Variants in TMEM94 observed in about 807,000 individuals in gnomAD.
TMEM94 encodes transmembrane protein 94.
Under a neutral mutation model 158.6 loss-of-function variants are expected in TMEM94, and 81 were observed. The ratio of observed to expected loss-of-function variants is 0.51; its 90% confidence interval spans 0.43 to 0.61. The LOEUF (loss-of-function observed/expected upper bound fraction) is 0.61, where lower values mean the gene tolerates loss of function less well. Among genes scored for constraint, TMEM94 ranks in the 20% least tolerant of loss-of-function variants. The probability of loss-of-function intolerance (pLI) is 0.00; values close to 1 mark genes in which losing one functional copy is unlikely to be tolerated. For missense variants in TMEM94, 1,435 were observed against 1,762.0 expected, an observed-to-expected ratio of 0.81 and a Z score of 3.32; for synonymous variants, 751 against 730.7, an observed-to-expected ratio of 1.03 and a Z score of -0.45.
Position 75,489,143 on chromosome 17 carries a change from G to C in TMEM94, c.765-123G>C, listed in dbSNP as rs1303518631. ...ACACGGGCTAGGGCCAGGGCAGAGC[G>C]TGGAACTGCAGGACTCACGGTGCTT... On this transcript the variant is annotated intron_variant, in intron 7 of 31. Coordinates refer to ENST00000314256, the MANE Select transcript of TMEM94 (RefSeq NM_014738.6). The surrounding 1 kb of genome is among the most constrained non-coding windows in gnomAD (Gnocchi z 5.0). 9.9e-7 allele frequency: 1 copy of C among 1,010,090 alleles called. No homozygotes were observed. The highest frequency in any genetic ancestry group is 1.5e-6 in the Non-Finnish European group (1 of 666,084). The allele number at this position is 1,010,090 out of a possible 1,614,324, so 62.6% of individuals were successfully genotyped here. A position where few individuals can be genotyped will look rare whatever the true frequency, so the allele number is the denominator to read the frequency against.
chr17:75,476,392 C>T lies in TMEM94; in HGVS notation c.24+4463C>T, dbSNP rs369438322. Reference sequence around the variant, plus strand: ...GACAAACTTTCTCTTCTCAATGCTCCTGTTTCCTCCCTCCTTCTCTTTCCT... The same window carrying T: ...GACAAACTTTCTCTTCTCAATGCTCTTGTTTCCTCCCTCCTTCTCTTTCCT... On this transcript the variant is annotated intron_variant, in intron 2 of 31. Coordinates refer to ENST00000314256, the MANE Select transcript of TMEM94 (RefSeq NM_014738.6). 131 of 732,592 alleles carry T rather than the reference C, an allele frequency of 1.8e-4. No individual in the cohort carries two copies. The African/African-American group carries it at 2.2e-3, about 12-fold the overall frequency. The allele number at this position is 732,592 out of a possible 1,614,324, so 45.4% of individuals were successfully genotyped here. A position where few individuals can be genotyped will look rare whatever the true frequency, so the allele number is the denominator to read the frequency against.
intron 11 of TMEM94, 75 bp downstream of exon 11, chr17:75,490,833 C>T: frequency 7.3e-7 from 1 of 1,378,332 alleles, no homozygotes; most frequent in East Asian, 2.3e-5. Context: ...TATTTATGGC[C>T]TTAAAGCCTC....
chr17:75,489,683 T>C lies in TMEM94; in HGVS notation c.954+21T>C. ...TCCAGGCAAGGACCACCCTGTCCTC[T>C]CTGTCATGCTTCCCTCCGACCCGCA... On this transcript the variant is annotated intron_variant, in intron 9 of 31. Coordinates refer to ENST00000314256, the MANE Select transcript of TMEM94 (RefSeq NM_014738.6). The surrounding 1 kb of genome is among the most constrained non-coding windows in gnomAD (Gnocchi z 5.0). 6.3e-7 allele frequency: 1 copy of C among 1,596,512 alleles called. No individual in the cohort carries two copies. Among genetic ancestry groups the C allele is most frequent in the East Asian group, 2.2e-5 (1 of 44,812 alleles).
Position 75,495,159 on chromosome 17 carries a change from G to C in TMEM94, c.2728+125G>C, listed in dbSNP as rs1162862418. The C allele has an allele frequency of 1.4e-6, 2 of 1,440,960 alleles. No homozygotes were observed. Among genetic ancestry groups the C allele is most frequent in the Non-Finnish European group, 1.9e-6 (2 of 1,061,952 alleles). The allele number at this position is 1,440,960 out of a possible 1,614,324, so 89.3% of individuals were successfully genotyped here. On this transcript the variant is annotated intron_variant, in intron 20 of 31. Coordinates refer to ENST00000314256, the MANE Select transcript of TMEM94 (RefSeq NM_014738.6). This position sits in a 1 kb window ranked among gnomAD's most constrained non-coding sequence, Gnocchi z 5.6. ...GTACATTCCCTTGGGAAATGGCTCTGATGTCCCTGCGGGAAACAGTAGTCA... is the reference window on the plus strand; with the variant it reads ...GTACATTCCCTTGGGAAATGGCTCTCATGTCCCTGCGGGAAACAGTAGTCA...
chr17:75,488,640 A>C, intron 6 of TMEM94, 119 bp from the exon 7 acceptor site: 1 of 1,177,158 alleles, frequency 8.5e-7, no homozygotes, highest in Admixed American at 2.0e-5. Flanking sequence ...GTCCCAGTGG[A>C]CTCTGGGCTA....
At chr17:75,462,009 TTG>T (rs201322388) in intron 1 of TMEM94, among the ~76,000 whole-genome samples, 3,045 of 98,880 alleles carry the variant, frequency 0.031, 152 homozygotes, top group Non-Finnish European at 0.044. Context: ...TTGTTTTGTT[TTG>T]TTTTTTTTTT....
chr17:75,470,503 A>C (rs1441069543), intron 1 of TMEM94, among the ~76,000 whole-genome samples: 2 of 151,956 alleles, frequency 1.3e-5, no homozygotes, highest in African/African-American at 4.8e-5. Flanking sequence ...CAGGAGATCG[A>C]GACCATCCTG....
rs542663050 is a variant in TMEM94 at position 75,491,765 on chromosome 17, C to T, written c.1461C>T (p.Gly487=). The T allele has an allele frequency of 1.1e-4, 170 of 1,613,952 alleles. No individual in the cohort carries two copies. The highest frequency in any genetic ancestry group is 1.1e-4 in the Non-Finnish European group (129 of 1,180,042). ...ACCTTTCCAATGAGCAGGAGCGTGG[C>T]GACTGGCCTGGCGAGGCTCCCAAGC... ...TLHLSNEQER[G]DWPGEAPKPP... Residue 487 remains glycine (G), a synonymous_variant, in exon 14 of 32, where the codon GGC becomes GGT. Coordinates refer to ENST00000314256, the MANE Select transcript of TMEM94 (RefSeq NM_014738.6). The surrounding 1 kb of genome is among the most constrained non-coding windows in gnomAD (Gnocchi z 5.1).
At chr17:75,473,959 A>G (rs1263959832) in intron 2 of TMEM94, among the ~76,000 whole-genome samples, 1 of 152,028 alleles carries the variant, frequency 6.6e-6, no homozygotes, top group African/African-American at 2.4e-5. Flanking sequence ...TACTAAAAAT[A>G]CAAAAATTAG....
At chr17:75,466,432 T>C (rs1393679630) in intron 1 of TMEM94, among the ~76,000 whole-genome samples, 1 of 152,186 alleles carries the variant, frequency 6.6e-6, no homozygotes, top group Admixed American at 6.5e-5. Flanking sequence ...CAAAATTGTT[T>C]TGCCTATTCT....
At chr17:75,473,433 T>A (rs1038974935) in intron 2 of TMEM94, among the ~76,000 whole-genome samples, 2 of 152,218 alleles carry the variant, frequency 1.3e-5, no homozygotes, top group African/African-American at 4.8e-5. Flanking sequence ...GAGGCTCTGC[T>A]GTTATGCAAT....
At chr17:75,464,786 G>T (rs1158326141) in intron 1 of TMEM94, among the ~76,000 whole-genome samples, 1 of 151,374 alleles carries the variant, frequency 6.6e-6, no homozygotes. Flanking sequence ...TCAGCTCACT[G>T]CAACCTCCGC....
At chr17:75,480,237 C>T (rs1200201139) in intron 2 of TMEM94, among the ~76,000 whole-genome samples, 11 of 152,232 alleles carry the variant, frequency 7.2e-5, no homozygotes, top group African/African-American at 1.7e-4. Context: ...TGGCCCAGAA[C>T]GCTGGGTCCT....
Position 75,485,340 on chromosome 17 carries a change from A to AG in TMEM94, c.25-85dup. 1 of 1,474,592 alleles carries AG rather than the reference A, an allele frequency of 6.8e-7. No individual in the cohort carries two copies. Among genetic ancestry groups the AG allele is most frequent in the Non-Finnish European group, 9.2e-7 (1 of 1,083,362 alleles). The allele number at this position is 1,474,592 out of a possible 1,614,324, so 91.3% of individuals were successfully genotyped here. On this transcript the variant is annotated intron_variant, in intron 2 of 31. Coordinates refer to ENST00000314256, the MANE Select transcript of TMEM94 (RefSeq NM_014738.6). The surrounding 1 kb of genome is among the most constrained non-coding windows in gnomAD (Gnocchi z 5.5). ...GGATCCCAGAGGAGGGGAAGGATGAAGGGCCAGGGAAGGGGAGGGTTGGGG... is the reference window on the plus strand; with the variant it reads ...GGATCCCAGAGGAGGGGAAGGATGAAGGGGCCAGGGAAGGGGAGGGTTGGGG...
At chr17:75,465,121 A>G (rs1177637710) in intron 1 of TMEM94, among the ~76,000 whole-genome samples, 1 of 151,364 alleles carries the variant, frequency 6.6e-6, no homozygotes, top group African/African-American at 2.4e-5. Context: ...CGTCAGCCAT[A>G]TTCTCAGTCT....
chr17:75,495,249 G>T lies in TMEM94; in HGVS notation c.2729-35G>T, dbSNP rs1426649517. The T allele has an allele frequency of 2.0e-6, 3 of 1,535,028 alleles. No individual in the cohort carries two copies. Among genetic ancestry groups the T allele is most frequent in the African/African-American group, 2.8e-5 (2 of 72,680 alleles). ...GCAAGGACAGGTTCCCAGAAGGCTGGTCCCAAGGTGAGGGAGAGGCTTTTG... is the reference window on the plus strand; with the variant it reads ...GCAAGGACAGGTTCCCAGAAGGCTGTTCCCAAGGTGAGGGAGAGGCTTTTG... On this transcript the variant is annotated intron_variant, in intron 20 of 31. Coordinates refer to ENST00000314256, the MANE Select transcript of TMEM94 (RefSeq NM_014738.6). The surrounding 1 kb of genome is among the most constrained non-coding windows in gnomAD (Gnocchi z 5.6).
At chr17:75,466,946 C>A (rs900184810) in intron 1 of TMEM94, among the ~76,000 whole-genome samples, 1 of 150,886 alleles carries the variant, frequency 6.6e-6, no homozygotes, top group Non-Finnish European at 1.5e-5. Flanking sequence ...ACAGGTCTTA[C>A]ATATATTTTT....
In TMEM94 at chr17:75,485,684, A is replaced by G; in HGVS notation, c.144+137A>G. 1 of 1,387,544 alleles carries G rather than the reference A, an allele frequency of 7.2e-7. No individual in the cohort carries two copies. Among genetic ancestry groups the G allele is most frequent in the Non-Finnish European group, 9.9e-7 (1 of 1,011,266 alleles). 86.0% of individuals were successfully genotyped at this position (1,387,544 alleles called of 1,614,324 possible). A position where few individuals can be genotyped will look rare whatever the true frequency, so the allele number is the denominator to read the frequency against. On this transcript the variant is annotated intron_variant, in intron 3 of 31. Coordinates refer to ENST00000314256, the MANE Select transcript of TMEM94 (RefSeq NM_014738.6). This position sits in a 1 kb window ranked among gnomAD's most constrained non-coding sequence, Gnocchi z 5.5. The stretch of plus-strand genomic sequence containing the variant: ...TGAGGCCTCATGAAATATCAGAAAG[A>G]AGCCAAGGTTCCCCTCAGAGTGGCT...
Position 75,485,431 on chromosome 17 carries a change from GAGCCTCCCTC to G in TMEM94, c.33_42del (p.Pro12TrpfsTer12). On this transcript the variant is annotated frameshift_variant, in exon 3 of 32. Transcript: ENST00000314256. LOFTEE classifies it high-confidence loss of function. This position sits in a 1 kb window ranked among gnomAD's most constrained non-coding sequence, Gnocchi z 5.5. Reference sequence around the variant, plus strand: ...AGCGCCTCCTGCTTGCCTGCAGGGCGAGCCTCCCTCAGCCCTGGGCCTGTCCACGCGGAAG... The same window carrying G: ...AGCGCCTCCTGCTTGCCTGCAGGGCGAGCCCTGGGCCTGTCCACGCGGAAG... 6.2e-7 allele frequency: 1 copy of G among 1,610,844 alleles called. No individual in the cohort carries two copies. The highest frequency in any genetic ancestry group is 1.1e-5 in the South Asian group (1 of 91,042).
Sources: allele counts gnomAD v4.1 joint callset (sites outside exome capture counted in the v4.1 genomes callset), GRCh38; gene constraint gnomAD v4.1.1; non-coding constraint Gnocchi (gnomAD v3.1); transcripts MANE v1.5; gene names NCBI Gene and HGNC (gene_info 2026-07-23, HGNC 2026-07-21).